KCNH7: variants seen among roughly 807,000 people sequenced by gnomAD.
KCNH7 encodes the protein voltage-gated inwardly rectifying potassium channel KCNH7.
KCNH7 carries 49 observed loss-of-function variants against 120.8 expected under a neutral mutation model. The observed-to-expected ratio is 0.41, with a 90% CI of 0.32 to 0.51. The LOEUF is 0.51. KCNH7 is among the 20% of genes least tolerant of loss of function. The pLI, the probability that KCNH7 is intolerant of heterozygous loss-of-function variation, is 0.38. For synonymous variants in KCNH7, 547 were observed against 516.1 expected, an observed-to-expected ratio of 1.06 and a Z score of -0.81; for missense variants, 1,097 against 1,446.6, an observed-to-expected ratio of 0.76 and a Z score of 3.92.
intron 2 of KCNH7, among the ~76,000 whole-genome samples, chr2:162,824,768 A>G (rs1427812896): frequency 6.6e-6 from 1 of 152,028 alleles, no homozygotes; most frequent in African/African-American, 2.4e-5. Context: ...CTGTTACATG[A>G]TATCCTAGAA....
At chr2:162,624,026 G>T (rs1404009360) in intron 2 of KCNH7, among the ~76,000 whole-genome samples, 1 of 152,020 alleles carries the variant, frequency 6.6e-6, no homozygotes, top group Non-Finnish European at 1.5e-5. Context: ...GCTCTGTCTT[G>T]CCCCAAATGT....
chr2:162,614,793 T>C (rs1683087166), intron 2 of KCNH7, among the ~76,000 whole-genome samples: 1 of 150,748 alleles, frequency 6.6e-6, no homozygotes, highest in Admixed American at 6.6e-5. Context: ...TTACTTTTTC[T>C]AGGTGGTAAG....
intron 7 of KCNH7, among the ~76,000 whole-genome samples, chr2:162,436,389 A>G (rs1176434429): frequency 6.6e-6 from 1 of 152,148 alleles, no homozygotes; most frequent in Non-Finnish European, 1.5e-5. Context: ...TTGATGTCCC[A>G]GTGATATTAT....
intron 2 of KCNH7, among the ~76,000 whole-genome samples, chr2:162,710,901 C>G (rs1245093793): frequency 6.6e-6 from 1 of 152,080 alleles, no homozygotes; most frequent in Non-Finnish European, 1.5e-5. Context: ...ACAGTTCAAG[C>G]AGAACAGATG....
At chr2:162,553,028 T>A (rs913508953) in intron 2 of KCNH7, among the ~76,000 whole-genome samples, 23 of 152,222 alleles carry the variant, frequency 1.5e-4, no homozygotes, top group Middle Eastern at 3.2e-3. Context: ...TGGTATTTTA[T>A]CATTCAGCAA....
At chr2:162,748,831 CCCTCCT>C (rs1398916050) in intron 2 of KCNH7, among the ~76,000 whole-genome samples, 1 of 112,520 alleles carries the variant, frequency 8.9e-6, no homozygotes, top group Non-Finnish European at 1.7e-5. Flanking sequence ...CCCTCCCCTC[CCCTCCT>C]CTCCCCTCCC....
In KCNH7 at chr2:162,478,720, A is replaced by G. The variant is rs114422779; in HGVS notation, c.1128+25723T>C. Among the ~76,000 whole-genome samples, 177 of 152,180 alleles carry G rather than the reference A, an allele frequency of 1.2e-3. 1 individual carries two copies. The highest frequency in any genetic ancestry group is 3.4e-3 in the Middle Eastern group (1 of 294). The stretch of plus-strand genomic sequence containing the variant: ...GCCTTATGACACACTGTATTTCCTC[A>G]CCTTTCAGTCTAATATAAAGCCATA... On this transcript the variant is annotated intron_variant, in intron 6 of 15. Transcript: ENST00000332142.
At chr2:162,803,745 T>C (rs1684429801) in intron 2 of KCNH7, among the ~76,000 whole-genome samples, 1 of 151,732 alleles carries the variant, frequency 6.6e-6, no homozygotes, top group East Asian at 1.9e-4. Context: ...ATATTTAGCA[T>C]AAAAAAGGAA....
intron 6 of KCNH7, among the ~76,000 whole-genome samples, chr2:162,479,659 G>T (rs189771371): frequency 3.4e-5 from 4 of 117,034 alleles, no homozygotes; most frequent in African/African-American, 1.7e-4. Flanking sequence ...TTAGGAAATT[G>T]TGTGTGTGTG....
chr2:162,536,374 A>G (rs1248172711), intron 3 of KCNH7, among the ~76,000 whole-genome samples: 10 of 151,968 alleles, frequency 6.6e-5, no homozygotes, highest in Admixed American at 6.6e-4. Context: ...ACTAAAACTA[A>G]TTGAGGTACT....
intron 2 of KCNH7, among the ~76,000 whole-genome samples, chr2:162,719,083 A>G (rs927153389): frequency 1.2e-4 from 18 of 152,018 alleles, no homozygotes; most frequent in African/African-American, 4.3e-4. Context: ...ATGTATATAT[A>G]CTAGCTGTAT....
intron 6 of KCNH7, among the ~76,000 whole-genome samples, chr2:162,448,810 T>C (rs1688671005): frequency 6.6e-6 from 1 of 152,016 alleles, no homozygotes; most frequent in African/African-American, 2.4e-5. Flanking sequence ...GGGAAGACAC[T>C]GTCCCTGAGA....
intron 6 of KCNH7, among the ~76,000 whole-genome samples, chr2:162,491,784 A>G (rs950634345): frequency 1.3e-5 from 2 of 152,164 alleles, no homozygotes; most frequent in South Asian, 2.1e-4. Flanking sequence ...GAAAGGACCT[A>G]GGGATGCCTT....
At chr2:162,650,811 C>T (rs937039417) in intron 2 of KCNH7, among the ~76,000 whole-genome samples, 9 of 152,064 alleles carry the variant, frequency 5.9e-5, no homozygotes, top group Admixed American at 2.6e-4. Context: ...ATATCTGATA[C>T]GTAGGAGGCA....
chr2:162,748,749 C>T (rs1688407237), intron 2 of KCNH7, among the ~76,000 whole-genome samples: 1 of 152,004 alleles, frequency 6.6e-6, no homozygotes, highest in South Asian at 2.1e-4. Flanking sequence ...TGACCACGAA[C>T]AAAGGAGATA....
At chr2:162,698,497 A>T (rs1686377051) in intron 2 of KCNH7, among the ~76,000 whole-genome samples, 1 of 151,998 alleles carries the variant, frequency 6.6e-6, no homozygotes, top group African/African-American at 2.4e-5. Context: ...CCATTTAAAA[A>T]AAAGGTTTGT....
chr2:162,395,523 A>G (rs1414565393), intron 11 of KCNH7, among the ~76,000 whole-genome samples: 2 of 151,706 alleles, frequency 1.3e-5, no homozygotes, highest in African/African-American at 2.4e-5. Flanking sequence ...TGTTTATTTG[A>G]GTACTGACTA....
At chr2:162,823,909 T>TTTTTTTTTGAGACG (rs1323149636) in intron 2 of KCNH7, among the ~76,000 whole-genome samples, 1 of 152,146 alleles carries the variant, frequency 6.6e-6, no homozygotes, top group Non-Finnish European at 1.5e-5. Context: ...ATTTTTTAAT[T>TTTTTTTTTGAGACG]GCCATATAAG....
At chr2:162,627,155 C>G (rs1683589707) in intron 2 of KCNH7, among the ~76,000 whole-genome samples, 1 of 152,132 alleles carries the variant, frequency 6.6e-6, no homozygotes, top group African/African-American at 2.4e-5. Flanking sequence ...CTGGGGAATT[C>G]AATGTCTCCT....
Sources: allele counts gnomAD v4.1 joint callset (sites outside exome capture counted in the v4.1 genomes callset), GRCh38; gene constraint gnomAD v4.1.1; transcripts MANE v1.5; gene names NCBI Gene and HGNC (gene_info 2026-07-23, HGNC 2026-07-21).